ZMYM2: variants seen among roughly 807,000 people sequenced by gnomAD.
ZMYM2 encodes zinc finger MYM-type containing 2, also known as zinc finger MYM-type protein 2.
Under a neutral mutation model 162.8 loss-of-function variants are expected in ZMYM2, and 56 were observed. The observed-to-expected ratio is 0.34, with a 90% CI of 0.28 to 0.43. The LOEUF (loss-of-function observed/expected upper bound fraction) is 0.43. Ranked by LOEUF, ZMYM2 falls within the 20% of genes least tolerant of loss-of-function variation. The pLI is 1.00. For missense variants in ZMYM2, 1,275 were observed against 1,621.8 expected, an observed-to-expected ratio of 0.79 and a Z score of 3.67; for synonymous variants, 510 against 541.6, an observed-to-expected ratio of 0.94 and a Z score of 0.81.
At chr13:20,025,917 A>G (rs1952541725) in intron 7 of ZMYM2, 3 of 152,314 alleles carry the variant, frequency 2.0e-5, no homozygotes, top group South Asian at 4.2e-4. Context: ...TGGCATTACA[A>G]TCACTGAGTG....
At chr13:19,945,820 A>G in the ZMYM2 span, among the ~76,000 whole-genome samples, 3 of 151,984 alleles carry the variant, frequency 2.0e-5, no homozygotes, top group Non-Finnish European at 2.9e-5. Flanking sequence ...ATGGTTACGC[A>G]TACCTGTAAT....
Position 20,006,377 on chromosome 13 carries a change from C to A in ZMYM2, c.1303C>A (p.Arg435Ser). 6.4e-7 allele frequency: 1 copy of A among 1,570,962 alleles called. No individual in the cohort carries two copies. Among genetic ancestry groups the A allele is most frequent in the South Asian group, 1.2e-5 (1 of 85,956 alleles). ...CTICGKLTEI[R>S]HEVSFKNMTH... Reference sequence around the variant, plus strand: ...ATTTTGTTTATTTTTCTTTTAGATTCGCCATGAAGTCAGCTTTAAAAATAT... The same window carrying A: ...ATTTTGTTTATTTTTCTTTTAGATTAGCCATGAAGTCAGCTTTAAAAATAT... Residue 435 changes from arginine to serine, a missense_variant, in exon 6 of 25, where the codon CGC (arginine) becomes AGC (serine). Transcript: ENST00000610343.
At chr13:19,871,536 T>C in the ZMYM2 span, among the ~76,000 whole-genome samples, 1 of 152,158 alleles carries the variant, frequency 6.6e-6, no homozygotes, top group Non-Finnish European at 1.5e-5. Context: ...TAGCTGGGAC[T>C]ACAAGCACGT....
chr13:20,078,309 G>A (rs958273290), intron 21 of ZMYM2, among the ~76,000 whole-genome samples: 1 of 118,072 alleles, frequency 8.5e-6, no homozygotes, highest in African/African-American at 2.8e-5. Context: ...TAAAACAACT[G>A]ATTTGAGAGA....
At chr13:20,063,547 G>T (rs904540874) in intron 18 of ZMYM2, among the ~76,000 whole-genome samples, 1 of 151,158 alleles carries the variant, frequency 6.6e-6, no homozygotes, top group East Asian at 1.9e-4. Context: ...TTGGGAGGCC[G>T]AGGTGGGTGG....
chr13:19,871,433 T>TTGATAGAGCATGGGGTCATGCTC, the ZMYM2 span, among the ~76,000 whole-genome samples: 4 of 152,156 alleles, frequency 2.6e-5, no homozygotes, highest in Admixed American at 6.5e-5. Context: ...TTTATTTTCA[T>TTGATAGAGCATGGGGTCATGCTC]TGATAGAGCA....
intron 17 of ZMYM2, 26 bp from the exon 18 acceptor site, chr13:20,062,820 C>T: frequency 6.6e-7 from 1 of 1,515,080 alleles, no homozygotes; most frequent in Non-Finnish European, 8.9e-7. Context: ...GTTTTGATTC[C>T]TAATGATAAT....
chr13:20,053,215 G>A (rs746017537), intron 14 of ZMYM2, among the ~76,000 whole-genome samples: 18 of 152,180 alleles, frequency 1.2e-4, no homozygotes, highest in South Asian at 2.1e-4. Flanking sequence ...CTCTTTGGGA[G>A]TCATTTATTG....
chr13:20,021,191 G>C (rs1309012995), intron 7 of ZMYM2, among the ~76,000 whole-genome samples: 1 of 151,938 alleles, frequency 6.6e-6, no homozygotes, highest in East Asian at 1.9e-4. Context: ...TAGCCAGGAT[G>C]GTCTCGATCT....
chr13:19,879,012 A>AT, the ZMYM2 span, among the ~76,000 whole-genome samples: 1 of 152,098 alleles, frequency 6.6e-6, no homozygotes, highest in Non-Finnish European at 1.5e-5. Context: ...CAATTTGTCA[A>AT]TTTTTTCTCC....
chr13:19,924,401 C>CA, the ZMYM2 span, among the ~76,000 whole-genome samples: 3,078 of 151,202 alleles, frequency 0.02, 94 homozygotes, highest in African/African-American at 0.071. Flanking sequence ...CTCATCTTTA[C>CA]AAAAAAAAAT....
intron 21 of ZMYM2, among the ~76,000 whole-genome samples, chr13:20,074,348 C>T (rs770789895): frequency 9.2e-5 from 14 of 151,784 alleles, no homozygotes; most frequent in Non-Finnish European, 1.9e-4. Flanking sequence ...CCTCCTGCCT[C>T]AGCCCTTTAG....
the ZMYM2 span, among the ~76,000 whole-genome samples, chr13:19,870,455 T>C: frequency 6.6e-6 from 1 of 151,704 alleles, no homozygotes; most frequent in Non-Finnish European, 1.5e-5. Context: ...GTCATTTCTC[T>C]TTCTCTCTTC....
chr13:20,010,770 A>T (rs1951108932), intron 6 of ZMYM2, among the ~76,000 whole-genome samples: 1 of 152,002 alleles, frequency 6.6e-6, no homozygotes, highest in Non-Finnish European at 1.5e-5. Flanking sequence ...CCTCCTGAGT[A>T]GCTAGGAGTA....
chr13:19,976,461 G>A (rs1956804049), intron 2 of ZMYM2, among the ~76,000 whole-genome samples: 1 of 151,556 alleles, frequency 6.6e-6, no homozygotes, highest in African/African-American at 2.4e-5. Flanking sequence ...ACTTTTAAGT[G>A]TTCAGCTCAA....
At chr13:19,896,151 G>A in the ZMYM2 span, among the ~76,000 whole-genome samples, 4 of 150,270 alleles carry the variant, frequency 2.7e-5, no homozygotes, top group African/African-American at 7.4e-5. Context: ...TAATTCTTTC[G>A]GGTATGTTGA....
In ZMYM2 at chr13:20,086,127, A is replaced by G; in HGVS notation, c.*113A>G. 1 of 1,076,392 alleles carries G rather than the reference A, an allele frequency of 9.3e-7. No individual in the cohort carries two copies. The highest frequency in any genetic ancestry group is 1.3e-6 in the Non-Finnish European group (1 of 763,404). The allele number at this position is 1,076,392 out of a possible 1,614,324, so 66.7% of individuals were successfully genotyped here. On this transcript the variant is annotated 3_prime_UTR_variant, in exon 25 of 25. Transcript: ENST00000610343. ...CTCCTTCTGTTTTGAGTTTTGTAGCAGTGTACCCACGCTGGGTATTACCAT... is the reference window on the plus strand; with the variant it reads ...CTCCTTCTGTTTTGAGTTTTGTAGCGGTGTACCCACGCTGGGTATTACCAT...
chr13:19,962,750 C>G (rs941916302), intron 2 of ZMYM2, among the ~76,000 whole-genome samples: 32 of 151,170 alleles, frequency 2.1e-4, no homozygotes, highest in African/African-American at 7.3e-4. Flanking sequence ...TCTCGAACTC[C>G]TGGCCTCAAG....
chr13:19,874,926 G>T, the ZMYM2 span, among the ~76,000 whole-genome samples: 4 of 152,192 alleles, frequency 2.6e-5, no homozygotes, highest in Non-Finnish European at 5.9e-5. Context: ...ACAGATGTGG[G>T]TGAGGCTATG....
Sources: gnomAD v4.1 joint callset for allele counts (sites outside exome capture counted in the v4.1 genomes callset) on GRCh38, gnomAD v4.1.1 for gene constraint, MANE v1.5 for transcripts, NCBI Gene and HGNC (gene_info 2026-07-23, HGNC 2026-07-21) for gene names.